The following TMEM223 variants were observed in gnomAD, a reference collection of about 807,000 sequenced individuals.
TMEM223 encodes the protein transmembrane protein 223.
TMEM223 carries 14 observed loss-of-function variants against 14.1 expected under a neutral mutation model. That is an observed-to-expected ratio of 0.99 (90% CI 0.66 to 1.55). The LOEUF (loss-of-function observed/expected upper bound fraction) is 1.55, where lower values mean the gene tolerates loss of function less well. TMEM223 is among the 40% of genes most tolerant of loss of function. The pLI, the probability that TMEM223 is intolerant of heterozygous loss-of-function variation, is 0.00. For missense variants in TMEM223, 346 were observed against 269.9 expected (o/e 1.28, Z -1.97); for synonymous variants, 145 against 120.5 (o/e 1.20, Z -1.33).
chr11:62,778,495 A>T (rs1190450704), intron 1 of TMEM223: 1 of 823,538 alleles, frequency 1.2e-6, no homozygotes, highest in African/African-American at 1.7e-5. Flanking sequence ...TGGAGGGCTC[A>T]GAGTTGGAGA....
chr11:62,775,965 T>G, intron 1 of TMEM223: 1 of 1,570,732 alleles, frequency 6.4e-7, no homozygotes, highest in East Asian at 2.3e-5. Context: ...CCTCCAACTT[T>G]CCTTGTTTCT....
At position 62,790,167 on chromosome 11, in the gene TMEM223, GA is replaced by G. The variant is rs1324675116; in HGVS notation, c.*455del. ...TTTCCTTTCGTTGGGGGGTGGGGGG[GA>G]AACATAATGACAGGCCCCCCTCCAC... On this transcript the variant is annotated 3_prime_UTR_variant, in exon 2 of 2. Transcript: ENST00000307366. 24 of 1,060,776 alleles carry G rather than the reference GA, an allele frequency of 2.3e-5. No homozygotes were observed. In the Admixed American group the frequency reaches 3.5e-4, roughly 16 times the overall value. 65.7% of individuals were successfully genotyped at this position (1,060,776 alleles called of 1,614,324 possible).
intron 1 of TMEM223, chr11:62,781,799 A>G (rs1049336765): frequency 3.7e-5 from 39 of 1,054,758 alleles, no homozygotes; most frequent in Middle Eastern, 2.3e-4. Context: ...ATTGTAAAAC[A>G]TGAATAAGGT....
chr11:62,787,527 G>A, downstream of TMEM223: 1 of 1,566,316 alleles, frequency 6.4e-7, no homozygotes, highest in Non-Finnish European at 8.6e-7. Flanking sequence ...CTCGGACCCA[G>A]GTGCGGCTGC....
At chr11:62,788,423 G>A (rs529515680), downstream of TMEM223, among the ~76,000 whole-genome samples, 1 of 146,208 alleles carries the variant, frequency 6.8e-6, no homozygotes, top group African/African-American at 2.5e-5. Context: ...CAAAAACACT[G>A]GCCGGGCCTG....
downstream of TMEM223, among the ~76,000 whole-genome samples, chr11:62,784,248 A>G (rs1374944924): frequency 2.7e-5 from 4 of 150,324 alleles, no homozygotes; most frequent in South Asian, 8.4e-4. Context: ...TCGGCTTCCC[A>G]AAGTGCTGGG....
intron 1 of TMEM223, chr11:62,778,698 T>C: frequency 3.1e-6 from 2 of 643,948 alleles, no homozygotes; most frequent in South Asian, 3.7e-5. Flanking sequence ...GTGCAGAGCC[T>C]AGATGGTCAG....
intron 1 of TMEM223, chr11:62,782,149 C>G: frequency 6.2e-7 from 1 of 1,612,724 alleles, no homozygotes; most frequent in Non-Finnish European, 8.5e-7. Context: ...GCAACTGCAC[C>G]GGCTGCTGCA....
chr11:62,789,044 C>T (rs370527683), downstream of TMEM223: 11 of 1,613,996 alleles, frequency 6.8e-6, no homozygotes, highest in African/African-American at 1.1e-4. Context: ...TGGTAGATGT[C>T]CCCTGTATGG....
At chr11:62,791,036 T>G in intron 1 of TMEM223, 121 bp from the exon 2 acceptor site, 1 of 1,088,840 alleles carries the variant, frequency 9.2e-7, no homozygotes, top group Non-Finnish European at 1.3e-6. Context: ...AGCGCTTTTT[T>G]TTTTGAGACT....
At position 62,790,519 on chromosome 11, in the gene TMEM223, C is replaced by T; in HGVS notation, c.*104G>A. On this transcript the variant is annotated 3_prime_UTR_variant, in exon 2 of 2. Coordinates refer to ENST00000307366, the MANE Select transcript of TMEM223 (RefSeq NM_001080501.3). ...TCGAGCAGTGCTCCTGCCTCACCCT[C>T]CCAAAGTGCTGGGATTACAACAGGT... 1.8e-6 allele frequency: 2 copies of T among 1,141,638 alleles called. No homozygotes were observed. The highest frequency in any genetic ancestry group is 2.5e-6 in the Non-Finnish European group (2 of 813,626). 70.7% of individuals were successfully genotyped at this position (1,141,638 alleles called of 1,614,324 possible). A position where few individuals can be genotyped will look rare whatever the true frequency, so the allele number is the denominator to read the frequency against.
At chr11:62,775,199 C>T (rs2084177729) in intron 1 of TMEM223, among the ~76,000 whole-genome samples, 1 of 152,064 alleles carries the variant, frequency 6.6e-6, no homozygotes, top group Non-Finnish European at 1.5e-5. Context: ...CATGTGGCTG[C>T]AGCTAGGAGA....
chr11:62,786,957 C>T, downstream of TMEM223: 1 of 1,447,928 alleles, frequency 6.9e-7, no homozygotes, highest in South Asian at 1.4e-5. Flanking sequence ...GAGGCGGCCC[C>T]GCGTCGGCCT....
Position 62,782,428 on chromosome 11 carries a change from A to G in TMEM223, c.315-7763T>C, listed in dbSNP as rs1352272952. The stretch of plus-strand genomic sequence containing the variant: ...GCGAAGCCTCTGGCTTTGAGAGTCT[A>G]TGAGAAGATGGGGAACCTTTTCCCT... On this transcript the variant is annotated intron_variant, in intron 1 of 2. Transcript: ENST00000528367. 1.0e-5 allele frequency: 14 copies of G among 1,348,386 alleles called. No homozygotes were observed. The African/African-American group carries it at 1.5e-4, about 14-fold the overall frequency. 83.5% of individuals were successfully genotyped at this position (1,348,386 alleles called of 1,614,324 possible). A position where few individuals can be genotyped will look rare whatever the true frequency, so the allele number is the denominator to read the frequency against.
Position 62,791,705 on chromosome 11 carries a change from CCGTAGCGCCAGAG to C in TMEM223, c.277_289del (p.Leu93ValfsTer37), listed in dbSNP as rs1291748366. On this transcript the variant is annotated frameshift_variant, in exon 1 of 2. Transcript: ENST00000307366. LOFTEE classifies it high-confidence loss of function. ...GATGGCGCCGCAGCCGACGGCCAGA[CCGTAGCGCCAGAG>C]CGCGGAGCGCAGGTCGAAGGGGCCA... 1 of 1,548,638 alleles carries C rather than the reference CCGTAGCGCCAGAG, an allele frequency of 6.5e-7. No individual in the cohort carries two copies. Among genetic ancestry groups the C allele is most frequent in the Admixed American group, 1.9e-5 (1 of 51,446 alleles).
At chr11:62,777,864 C>G in intron 1 of TMEM223, 1 of 1,298,098 alleles carries the variant, frequency 7.7e-7, no homozygotes, top group Non-Finnish European at 1.0e-6. Flanking sequence ...CTTGGGACTT[C>G]TGGACTTCCT....
At chr11:62,781,120 C>T (rs2084226290) in intron 1 of TMEM223, among the ~76,000 whole-genome samples, 2 of 149,656 alleles carry the variant, frequency 1.3e-5, no homozygotes, top group Admixed American at 1.3e-4. Context: ...CCTGTAATCC[C>T]AGCTACTTGG....
In TMEM223 at chr11:62,790,737, G is replaced by A; in HGVS notation, c.495C>T (p.Ala165=). ...GGCCTTTGACTTTCAGAGGTAGCAT[G>A]GCAGGGACTTCACCCCGGTGGGCCA... The part of the protein sequence containing the change: ...SCMAHRGEVP[A]MLPLKVKGRR... The change falls in exon 2 of 2, where the codon GCC becomes GCT. Residue 165 remains alanine (A), a synonymous_variant. Transcript: ENST00000307366. 6.2e-7 allele frequency: 1 copy of A among 1,611,176 alleles called. No individual in the cohort carries two copies. Among genetic ancestry groups the A allele is most frequent in the Non-Finnish European group, 8.5e-7 (1 of 1,178,636 alleles).
chr11:62,790,127 G>C lies in TMEM223; in HGVS notation c.*496C>G, dbSNP rs117650742. On this transcript the variant is annotated 3_prime_UTR_variant, in exon 2 of 2. Transcript: ENST00000307366. ...TCCCCCCCCTCAAGGCCCTGTTTAT[G>C]TTGGGAGTCTTAGTTTTCCTTTCGT... 8,987 of 1,358,550 alleles carry C rather than the reference G, an allele frequency of 6.6e-3. 35 individuals are homozygous for C. The highest frequency in any genetic ancestry group is 7.6e-3 in the Non-Finnish European group (7,757 of 1,020,760). The allele number at this position is 1,358,550 out of a possible 1,614,324, so 84.2% of individuals were successfully genotyped here.
Sources: gnomAD v4.1 joint callset for allele counts (sites outside exome capture counted in the v4.1 genomes callset) on GRCh38, gnomAD v4.1.1 for gene constraint, MANE v1.5 for transcripts, NCBI Gene and HGNC (gene_info 2026-07-23, HGNC 2026-07-21) for gene names.